The following TXLNB variants were observed in gnomAD, a reference collection of about 807,000 sequenced individuals.
TXLNB encodes taxilin beta, also known as beta-taxilin.
TXLNB carries 37 observed loss-of-function variants against 57.4 expected under a neutral mutation model. The observed-to-expected ratio is 0.64, with a 90% CI of 0.50 to 0.85. The LOEUF is 0.85. TXLNB is among the 40% of genes least tolerant of loss of function. The pLI is 0.00. For missense variants in TXLNB, 848 were observed against 825.6 expected (o/e 1.03, Z -0.33); for synonymous variants, 302 against 309.6 (o/e 0.98, Z 0.26).
chr6:139,162,349 G>A, the TXLNB span, among the ~76,000 whole-genome samples: 1 of 152,164 alleles, frequency 6.6e-6, no homozygotes, highest in Admixed American at 6.5e-5. Flanking sequence ...AGCATTTCAT[G>A]TGTATAGTTT....
the TXLNB span, among the ~76,000 whole-genome samples, chr6:139,182,405 AAG>A: frequency 7.9e-5 from 12 of 152,070 alleles, no homozygotes; most frequent in Admixed American, 6.5e-4. Context: ...TTGCAGAAAA[AAG>A]AAGTTAAATG....
At chr6:139,288,427 T>C (rs1777226365) in intron 2 of TXLNB, 49 bp downstream of exon 2, 1 of 1,552,592 alleles carries the variant, frequency 6.4e-7, no homozygotes, top group African/African-American at 1.4e-5. Flanking sequence ...GTGCCCCTTT[T>C]TTAGGAATAC....
rs538834934 is a variant in TXLNB at position 139,267,918 on chromosome 6, C to T, written c.687+2538G>A. On this transcript the variant is annotated intron_variant, in intron 4 of 9. Transcript: ENST00000358430. ...CTGTAATCCCAACACTTTGGGAGGC[C>T]GAGGCGGGTAGATCACAAGCTCAGG... Among the ~76,000 whole-genome samples, 34 of 152,032 alleles carry T rather than the reference C, an allele frequency of 2.2e-4. No homozygotes were observed. In the East Asian group the frequency reaches 3.5e-3, roughly 16 times the overall value.
At chr6:139,216,342 G>A in the TXLNB span, among the ~76,000 whole-genome samples, 1 of 151,520 alleles carries the variant, frequency 6.6e-6, no homozygotes, top group Non-Finnish European at 1.5e-5. Flanking sequence ...GATGAAGCTG[G>A]AAACCATCAT....
chr6:139,206,440 G>A, the TXLNB span, among the ~76,000 whole-genome samples: 1 of 152,132 alleles, frequency 6.6e-6, no homozygotes, highest in Non-Finnish European at 1.5e-5. Context: ...AGGCCAAGGT[G>A]GGCGGATCAC....
chr6:139,260,358 A>G lies in TXLNB; in HGVS notation c.962T>C (p.Met321Thr). 1 of 1,614,114 alleles carries G rather than the reference A, an allele frequency of 6.2e-7. No individual in the cohort carries two copies. Among genetic ancestry groups the G allele is most frequent in the Non-Finnish European group, 8.5e-7 (1 of 1,179,974 alleles). Residue 321 changes from methionine (M) to threonine (T), a missense_variant, in exon 6 of 10, where the codon ATG becomes ACG. Met to Thr is a moderately conservative substitution (Grantham distance 81). Coordinates refer to ENST00000358430, the MANE Select transcript of TXLNB (RefSeq NM_153235.4). ...DAKLEQAQEM[M>T]KEAEERHKRE... ...TTTGTGTCGCTCCTCCGCTTCCTTC[A>G]TCATTTCTTGGGCCTGCTCAAGCTT...
chr6:139,243,075 A>C lies in TXLNB; in HGVS notation c.1506T>G (p.Asn502Lys). 1 of 1,613,980 alleles carries C rather than the reference A, an allele frequency of 6.2e-7. No individual in the cohort carries two copies. Among genetic ancestry groups the C allele is most frequent in the Non-Finnish European group, 8.5e-7 (1 of 1,180,010 alleles). Residue 502 changes from asparagine to lysine, a missense_variant, in exon 10 of 10, where the codon AAT becomes AAG. By Grantham distance (94) the Asn-to-Lys change is moderately conservative (BLOSUM62 0). Transcript: ENST00000358430. Reference protein sequence around the residue: ...EVNSVQTAVKNLATAFMIIHH... With the variant: ...EVNSVQTAVKKLATAFMIIHH... ...GAATTATCATGAAGGCTGTGGCCAG[A>C]TTTTTCACGGCGGTTTGGACACTAT...
At chr6:139,201,450 C>A in the TXLNB span, among the ~76,000 whole-genome samples, 2 of 152,204 alleles carry the variant, frequency 1.3e-5, no homozygotes, top group African/African-American at 4.8e-5. Context: ...ACCCTTATAA[C>A]CTGATGTTAA....
chr6:139,322,935 T>C, the TXLNB span, among the ~76,000 whole-genome samples: 2 of 152,230 alleles, frequency 1.3e-5, no homozygotes, highest in African/African-American at 4.8e-5. Flanking sequence ...AGATGCTAAT[T>C]GAATAGTGGC....
intron 4 of TXLNB, among the ~76,000 whole-genome samples, chr6:139,263,575 C>A (rs2114525265): frequency 6.6e-6 from 1 of 152,286 alleles, no homozygotes; most frequent in Non-Finnish European, 1.5e-5. Context: ...ACTTTTATAT[C>A]ATTTCTGTTC....
At chr6:139,161,013 G>T in the TXLNB span, among the ~76,000 whole-genome samples, 1 of 152,202 alleles carries the variant, frequency 6.6e-6, no homozygotes, top group Admixed American at 6.5e-5. Flanking sequence ...ATTCCCTGCT[G>T]CTTTTCCAGT....
intron 4 of TXLNB, 108 bp from the exon 5 acceptor site, chr6:139,262,881 T>C (rs1562279234): frequency 1.8e-6 from 2 of 1,107,722 alleles, no homozygotes; most frequent in Non-Finnish European, 2.5e-6. Flanking sequence ...GGATGTTTTT[T>C]CTCAGTTCTC....
chr6:139,320,040 A>G, the TXLNB span, among the ~76,000 whole-genome samples: 3 of 152,226 alleles, frequency 2.0e-5, no homozygotes, highest in African/African-American at 7.2e-5. Context: ...GTGGTTATTG[A>G]ATATGTATTT....
chr6:139,265,588 A>G (rs999962684), intron 4 of TXLNB, among the ~76,000 whole-genome samples: 1 of 152,206 alleles, frequency 6.6e-6, no homozygotes, highest in Non-Finnish European at 1.5e-5. Context: ...TGGATTTTAG[A>G]TTTAGGTACA....
the TXLNB span, among the ~76,000 whole-genome samples, chr6:139,175,633 C>T: frequency 2.0e-5 from 3 of 152,178 alleles, no homozygotes; most frequent in East Asian, 1.9e-4. Flanking sequence ...GGATCTAGAC[C>T]GACCTCCTTA....
chr6:139,215,109 A>C, the TXLNB span, among the ~76,000 whole-genome samples: 16 of 152,046 alleles, frequency 1.1e-4, no homozygotes, highest in African/African-American at 2.7e-4. Flanking sequence ...ACTTTCTTCA[A>C]AGAATTGGAA....
chr6:139,238,575 C>T (rs1048404788), downstream of TXLNB, among the ~76,000 whole-genome samples: 2 of 152,218 alleles, frequency 1.3e-5, no homozygotes, highest in African/African-American at 4.8e-5. Context: ...AGAGACTTAA[C>T]GTCAGTATTG....
chr6:139,166,417 C>T, the TXLNB span: 15 of 1,614,202 alleles, frequency 9.3e-6, no homozygotes, highest in Admixed American at 1.7e-5. Context: ...AGTGCTTCTA[C>T]GAGTGGGAGA....
At chr6:139,262,412 T>C (rs1776506079) in intron 5 of TXLNB, among the ~76,000 whole-genome samples, 167 bp downstream of exon 5, 1 of 152,230 alleles carries the variant, frequency 6.6e-6, no homozygotes, top group Non-Finnish European at 1.5e-5. Context: ...TTCAGTCAGG[T>C]ATTTTGTAAG....
Sources: gnomAD v4.1 joint callset for allele counts (sites outside exome capture counted in the v4.1 genomes callset) on GRCh38, gnomAD v4.1.1 for gene constraint, MANE v1.5 for transcripts, NCBI Gene and HGNC (gene_info 2026-07-23, HGNC 2026-07-21) for gene names.